Variants in SF3B1 observed in about 807,000 individuals in gnomAD.
The protein encoded by SF3B1 is splicing factor 3b subunit 1.
Under a neutral mutation model 153.8 loss-of-function variants are expected in SF3B1, and 12 were observed. The observed-to-expected ratio is 0.08, with a 90% CI of 0.05 to 0.13. The LOEUF (loss-of-function observed/expected upper bound fraction) is 0.13, where lower values mean the gene tolerates loss of function less well. Ranked by LOEUF, SF3B1 falls within the 10% of genes least tolerant of loss-of-function variation. SF3B1 has a pLI of 1.00. For missense variants in SF3B1, 513 were observed against 1,606.1 expected (o/e 0.32, Z 11.63); for synonymous variants, 498 against 525.2 (o/e 0.95, Z 0.71).
Position 197,398,483 on chromosome 2 carries a change from G to C in SF3B1, c.3112C>G (p.Leu1038Val). The change falls in exon 21 of 25, where the codon CTT becomes GTT. Residue 1038 changes from leucine (L) to valine (V), a missense_variant. By Grantham distance (32) the Leu-to-Val change is conservative. This residue lies in a region of SF3B1 where 17 missense variants were observed against 246.2 expected (regional missense o/e 0.07). Coordinates refer to ENST00000335508, the MANE Select transcript of SF3B1 (RefSeq NM_012433.4). ...TACCTGTCAGCAATACGACCAACAA[G>C]ATCAATACAATTCTCTTGTACTTTT... The part of the protein sequence containing the change: ...HEKVQENCID[L>V]VGRIADRGAE... 6.2e-7 allele frequency: 1 copy of C among 1,613,854 alleles called. No individual in the cohort carries two copies.
intron 6 of SF3B1, among the ~76,000 whole-genome samples, chr2:197,415,136 G>A (rs553648534): frequency 2.3e-4 from 34 of 150,014 alleles, no homozygotes; most frequent in Admixed American, 1.1e-3. Context: ...GACAAAGCAC[G>A]ATAAAACATG....
intron 1 of SF3B1, among the ~76,000 whole-genome samples, chr2:197,424,455 G>A (rs1331291998): frequency 6.7e-6 from 1 of 148,570 alleles, no homozygotes; most frequent in African/African-American, 2.5e-5. Context: ...TCACACCACT[G>A]CACTCCAACC....
In SF3B1 at chr2:197,415,805, C is replaced by T. The variant is rs576260815; in HGVS notation, c.666+936G>A. 1.8e-4 allele frequency among the ~76,000 whole-genome samples: 27 copies of T among 151,838 alleles called. No homozygotes were observed. The South Asian group carries it at 4.1e-3, about 23-fold the overall frequency. On this transcript the variant is annotated intron_variant, in intron 6 of 24. Transcript: ENST00000335508. ...CTAAGAAAGATTTTACAGATGCCAT[C>T]GTTTTGTTTTTTTGAGACAGGGTCT...
intron 7 of SF3B1, 163 bp from the exon 8 acceptor site, chr2:197,408,744 G>C: frequency 1.7e-6 from 1 of 602,592 alleles, no homozygotes; most frequent in Non-Finnish European, 2.9e-6. Context: ...TCAACATGAT[G>C]AAACTCTGTC....
intron 2 of SF3B1, 39 bp downstream of exon 2, chr2:197,423,769 A>T (rs1015540218): frequency 5.7e-6 from 9 of 1,590,086 alleles, no homozygotes; most frequent in Non-Finnish European, 7.7e-6. Context: ...TTGCTCTCTC[A>T]AAAAAATAAC....
chr2:197,422,327 G>A (rs1326227180), intron 2 of SF3B1, among the ~76,000 whole-genome samples: 1 of 150,558 alleles, frequency 6.6e-6, no homozygotes, highest in African/African-American at 2.4e-5. Flanking sequence ...GGCACCGCAT[G>A]TTCTCACTCC....
Position 197,405,489 on chromosome 2 carries a change from G to C in SF3B1, c.1240-17C>G. On this transcript the variant is annotated splice_polypyrimidine_tract_variant and intron_variant, in intron 9 of 24. Coordinates refer to ENST00000335508, the MANE Select transcript of SF3B1 (RefSeq NM_012433.4). ...AGGAAGTACCTAATAAAAGTTATAA[G>C]ACAGTTTAGGATTTTCTTAACTTAA... The C allele has an allele frequency of 6.4e-7, 1 of 1,562,056 alleles. No homozygotes were observed.
chr2:197,411,862 C>G (rs1175120387), intron 6 of SF3B1, among the ~76,000 whole-genome samples: 3 of 152,000 alleles, frequency 2.0e-5, no homozygotes, highest in Admixed American at 6.6e-5. Context: ...CTTTGGGAGG[C>G]CAGGCAGGCA....
chr2:197,431,095 C>T (rs1261958436), intron 1 of SF3B1, among the ~76,000 whole-genome samples: 1 of 146,940 alleles, frequency 6.8e-6, no homozygotes, highest in African/African-American at 2.5e-5. Context: ...CCCTCCTGTG[C>T]CTTTTCTTCT....
intron 1 of SF3B1, among the ~76,000 whole-genome samples, chr2:197,425,852 T>A (rs1422553981): frequency 6.6e-6 from 1 of 151,616 alleles, no homozygotes; most frequent in African/African-American, 2.4e-5. Flanking sequence ...ATACTAAAAT[T>A]AGCCAGGTAT....
chr2:197,403,451 TA>T, intron 12 of SF3B1, 133 bp downstream of exon 12: 1 of 542,364 alleles, frequency 1.8e-6, no homozygotes, highest in Non-Finnish European at 3.1e-6. Context: ...TACATCTGTA[TA>T]AAACTGTATT....
intron 1 of SF3B1, among the ~76,000 whole-genome samples, chr2:197,425,717 G>T: frequency 6.6e-6 from 1 of 152,000 alleles, no homozygotes; most frequent in Middle Eastern, 3.2e-3. Context: ...TCACAAACTG[G>T]AGGCAGACGC....
At chr2:197,399,523 T>C (rs762213010) in intron 20 of SF3B1, among the ~76,000 whole-genome samples, 2 of 152,240 alleles carry the variant, frequency 1.3e-5, no homozygotes, top group Non-Finnish European at 2.9e-5. Context: ...ATAGCTGTAT[T>C]ACGGGTTAGA....
At chr2:197,407,022 A>C (rs1334894628) in intron 9 of SF3B1, among the ~76,000 whole-genome samples, 1 of 152,194 alleles carries the variant, frequency 6.6e-6, no homozygotes, top group Non-Finnish European at 1.5e-5. Context: ...CAGGAGTCCA[A>C]GGCTGCAGTG....
At chr2:197,398,684 T>C (rs2084903415) in intron 20 of SF3B1, 103 bp from the exon 21 acceptor site, 3 of 1,076,506 alleles carry the variant, frequency 2.8e-6, no homozygotes, top group Non-Finnish European at 4.0e-6. Flanking sequence ...AAATATAAAC[T>C]TACAGCTGCC....
rs1215572404 is a variant in SF3B1 at position 197,403,774 on chromosome 2, A to C, written c.1540-10T>G. 1.3e-6 allele frequency: 2 copies of C among 1,567,396 alleles called. No homozygotes were observed. The highest frequency in any genetic ancestry group is 2.8e-5 in the African/African-American group (2 of 71,932). On this transcript the variant is annotated splice_polypyrimidine_tract_variant and intron_variant, in intron 11 of 24. Coordinates refer to ENST00000335508, the MANE Select transcript of SF3B1 (RefSeq NM_012433.4). Reference sequence around the variant, plus strand: ...TCTGACGCAATGCAGCCTGGGAAAAAGAGCAGAGTAATAGGTGTGGTTTCT... The same window carrying C: ...TCTGACGCAATGCAGCCTGGGAAAACGAGCAGAGTAATAGGTGTGGTTTCT...
At position 197,418,502 on chromosome 2, in the gene SF3B1, T is replaced by G; in HGVS notation, c.495+7A>C. ...CAACCATTAAAACAGGAGACAGGTT[T>G]ACATACTTCTTCTTTAGTCAAGTGT... On this transcript the variant is annotated splice_region_variant and intron_variant, in intron 5 of 24. Coordinates refer to ENST00000335508, the MANE Select transcript of SF3B1 (RefSeq NM_012433.4). 6.3e-7 allele frequency: 1 copy of G among 1,596,778 alleles called. No homozygotes were observed. The highest frequency in any genetic ancestry group is 1.1e-5 in the South Asian group (1 of 90,088).
At chr2:197,418,790 C>T in intron 4 of SF3B1, 1 of 1,482,428 alleles carries the variant, frequency 6.7e-7, no homozygotes, top group Non-Finnish European at 8.9e-7. Flanking sequence ...CAAACATCTA[C>T]AGCAGTTTAA....
chr2:197,409,233 C>T (rs1574535576), intron 7 of SF3B1, among the ~76,000 whole-genome samples: 1 of 152,124 alleles, frequency 6.6e-6, no homozygotes, highest in South Asian at 2.1e-4. Context: ...AACCCCGTCT[C>T]TACTAAAAAT....
Sources: allele counts gnomAD v4.1 joint callset (sites outside exome capture counted in the v4.1 genomes callset), GRCh38; gene constraint gnomAD v4.1.1; regional missense constraint gnomAD v4.1.1; transcripts MANE v1.5; gene names NCBI Gene and HGNC (gene_info 2026-07-23, HGNC 2026-07-21).